Variants in CNNM4 observed in about 807,000 individuals in gnomAD.
The protein encoded by CNNM4 is cyclin and CBS domain divalent metal cation transport mediator 4.
A neutral mutation model predicts 53.7 loss-of-function variants in CNNM4; 32 were observed. That is an observed-to-expected ratio of 0.60 (90% CI 0.45 to 0.80). CNNM4 has a LOEUF of 0.80. Among genes scored for constraint, CNNM4 ranks in the 30% least tolerant of loss-of-function variants. The probability of loss-of-function intolerance (pLI) is 0.00; values close to 1 mark genes in which losing one functional copy is unlikely to be tolerated. For synonymous variants in CNNM4, 410 were observed against 440.0 expected, an observed-to-expected ratio of 0.93 and a Z score of 0.85; for missense variants, 784 against 1,022.0, an observed-to-expected ratio of 0.77 and a Z score of 3.17.
At chr2:96,782,507 C>A (rs2078983460) in intron 1 of CNNM4, among the ~76,000 whole-genome samples, 1 of 151,792 alleles carries the variant, frequency 6.6e-6, no homozygotes, top group South Asian at 2.1e-4. Context: ...GATACCATAT[C>A]ATTTTTTTTT....
chr2:96,808,467 G>A lies in CNNM4; in HGVS notation c.1949-94G>A. 1 of 1,268,348 alleles carries A rather than the reference G, an allele frequency of 7.9e-7. No homozygotes were observed. Among genetic ancestry groups the A allele is most frequent in the Admixed American group, 1.9e-5 (1 of 53,488 alleles). 78.6% of individuals were successfully genotyped at this position (1,268,348 alleles called of 1,614,324 possible). A position where few individuals can be genotyped will look rare whatever the true frequency, so the allele number is the denominator to read the frequency against. Reference sequence around the variant, plus strand: ...GAATGACTTCCTGTTCCTGGGTGGGGTGTCCCTGGGCTTCCATGGGATGAG... The same window carrying A: ...GAATGACTTCCTGTTCCTGGGTGGGATGTCCCTGGGCTTCCATGGGATGAG... On this transcript the variant is annotated intron_variant, in intron 5 of 6. Transcript: ENST00000377075. The surrounding 1 kb of genome is among the most constrained non-coding windows in gnomAD (Gnocchi z 4.9).
At chr2:96,805,957 G>C (rs938650521) in intron 5 of CNNM4, among the ~76,000 whole-genome samples, 18 of 151,776 alleles carry the variant, frequency 1.2e-4, no homozygotes, top group African/African-American at 4.1e-4. Flanking sequence ...TCAATGAGCT[G>C]TTGGGTACAC....
intron 1 of CNNM4, among the ~76,000 whole-genome samples, chr2:96,781,075 T>G (rs1325573991): frequency 7.2e-6 from 1 of 139,402 alleles, no homozygotes; most frequent in Non-Finnish European, 1.5e-5. Flanking sequence ...GCCTCCCGGG[T>G]TCACGCCATT....
rs2078761986 is a variant in CNNM4 at position 96,761,477 on chromosome 2, T to C, written c.478T>C (p.Trp160Arg). Residue 160 changes from tryptophan to arginine, a missense_variant, in exon 1 of 7, where the codon TGG becomes CGG. By Grantham distance (101) the Trp-to-Arg change is moderately radical. This residue lies in a region of CNNM4 where 473 missense variants were observed against 624.6 expected (regional missense o/e 0.76). Coordinates refer to ENST00000377075, the MANE Select transcript of CNNM4 (RefSeq NM_020184.4). The surrounding 1 kb of genome is among the most constrained non-coding windows in gnomAD (Gnocchi z 6.0). ...LCTRAQPDGP[W>R]LKWTDKDSLL... is the part of the protein sequence containing the mutation. The stretch of plus-strand genomic sequence containing the variant: ...CACCCGGGCCCAGCCCGACGGGCCC[T>C]GGCTGAAGTGGACGGACAAGGACTC... 1.9e-6 allele frequency: 3 copies of C among 1,614,120 alleles called. No individual in the cohort carries two copies. Among genetic ancestry groups the C allele is most frequent in the Non-Finnish European group, 2.5e-6 (3 of 1,180,008 alleles).
chr2:96,795,279 G>A (rs1286647917), intron 1 of CNNM4, among the ~76,000 whole-genome samples: 3 of 152,226 alleles, frequency 2.0e-5, no homozygotes, highest in South Asian at 2.1e-4. Context: ...CCAGGGTCCC[G>A]GCCTGGCCCG....
At position 96,811,047 on chromosome 2, in the gene CNNM4, T is replaced by G. The variant is rs146209406; in HGVS notation, c.*1530T>G. On this transcript the variant is annotated 3_prime_UTR_variant, in exon 7 of 7. Coordinates refer to ENST00000377075, the MANE Select transcript of CNNM4 (RefSeq NM_020184.4). The stretch of plus-strand genomic sequence containing the variant: ...TGCAGGCCTTCCGCCTGATTATTAT[T>G]TATTCACTCCTTTCCTCACCCCAAG... 6.6e-6 allele frequency: 1 copy of G among 152,326 alleles called. No individual in the cohort carries two copies. The highest frequency in any genetic ancestry group is 1.5e-5 in the Non-Finnish European group (1 of 68,046). The allele number at this position is 152,326 out of a possible 1,614,324, so 9.4% of individuals were successfully genotyped here. A position where few individuals can be genotyped will look rare whatever the true frequency, so the allele number is the denominator to read the frequency against.
intron 1 of CNNM4, among the ~76,000 whole-genome samples, chr2:96,763,112 C>A (rs1239470295): frequency 1.3e-5 from 2 of 152,110 alleles, no homozygotes; most frequent in Non-Finnish European, 2.9e-5. Context: ...TGCCAAGTAG[C>A]GCTTTCGACT....
chr2:96,788,553 C>G, intron 1 of CNNM4: 1 of 152,280 alleles, frequency 6.6e-6, no homozygotes, highest in East Asian at 1.9e-4. Context: ...TGCCACTCAT[C>G]CCGGTGGTTG....
Position 96,799,134 on chromosome 2 carries a change from G to A in CNNM4, c.1759G>A (p.Glu587Lys), listed in dbSNP as rs752082912. Residue 587 changes from glutamate (E) to lysine (K), a missense_variant, in exon 4 of 7, where the codon GAA (glutamate) becomes AAA (lysine). By Grantham distance (56) the Glu-to-Lys change is moderately conservative. Around this residue, in one of 3 missense-constraint regions of CNNM4, gnomAD observed 307 missense variants for 376.3 expected, o/e 0.82. Transcript: ENST00000377075. ...ACTCAAGTACCCAGATGTCATTCAG[G>A]AACTCAAGTTTGACGAGCACAATAA... is the stretch of plus-strand genomic sequence containing the variant. ...RLLKYPDVIQELKFDEHNKYY... is the reference protein window; with the variant it reads ...RLLKYPDVIQKLKFDEHNKYY... The A allele has an allele frequency of 1.9e-6, 3 of 1,613,276 alleles. No homozygotes were observed. Among genetic ancestry groups the A allele is most frequent in the Middle Eastern group, 1.8e-4 (1 of 5,576 alleles).
rs897657270 is a variant in CNNM4, at chr2:96,801,790, C to T, written c.1948+2142C>T. ...ACACAGACAGAGATACTACAGACAC[C>T]CATAGACAGAGATATCACACACAGA... On this transcript the variant is annotated intron_variant, in intron 5 of 6. Coordinates refer to ENST00000377075, the MANE Select transcript of CNNM4 (RefSeq NM_020184.4). This position sits in a 1 kb window ranked among gnomAD's most constrained non-coding sequence, Gnocchi z 5.6. 6.6e-6 allele frequency among the ~76,000 whole-genome samples: 1 copy of T among 151,408 alleles called. No individual in the cohort carries two copies. The highest frequency in any genetic ancestry group is 2.4e-5 in the African/African-American group (1 of 41,104).
Position 96,781,196 on chromosome 2 carries a change from G to A in CNNM4, c.1403-15816G>A, listed in dbSNP as rs182301707. ...GGGTTTCACTGTGTTAGCCAAGATG[G>A]TCTCGCTCTCCTGACCTCGTGATCC... On this transcript the variant is annotated intron_variant, in intron 1 of 6. Transcript: ENST00000377075. Among the ~76,000 whole-genome samples the A allele has an allele frequency of 2.0e-5, 3 of 151,816 alleles. No individual in the cohort carries two copies. The East Asian group carries it at 5.8e-4, about 30-fold the overall frequency.
chr2:96,770,617 T>G (rs2078860525), intron 1 of CNNM4, among the ~76,000 whole-genome samples: 1 of 152,218 alleles, frequency 6.6e-6, no homozygotes, highest in South Asian at 2.1e-4. Context: ...CCTCCTTTTC[T>G]AGACGGACTT....
In CNNM4 at chr2:96,809,855, AAAT is replaced by A; in HGVS notation, c.*340_*342del. 4.9e-6 allele frequency: 1 copy of A among 202,534 alleles called. No individual in the cohort carries two copies. Among genetic ancestry groups the A allele is most frequent in the Non-Finnish European group, 1.0e-5 (1 of 99,730 alleles). The allele number at this position is 202,534 out of a possible 1,614,324, so 12.5% of individuals were successfully genotyped here. ...GGTTAAGGAACTTTATTTAAAAAAAAAATATTTTTTTCCTAAAAACTATAAAAG... is the reference window on the plus strand; with the variant it reads ...GGTTAAGGAACTTTATTTAAAAAAAAATTTTTTTCCTAAAAACTATAAAAG... On this transcript the variant is annotated 3_prime_UTR_variant, in exon 7 of 7. Coordinates refer to ENST00000377075, the MANE Select transcript of CNNM4 (RefSeq NM_020184.4).
Position 96,783,889 on chromosome 2 carries a change from G to T in CNNM4, c.1403-13123G>T, listed in dbSNP as rs369171642. 1.6e-4 allele frequency among the ~76,000 whole-genome samples: 25 copies of T among 152,216 alleles called. 2 individuals carry two copies. Among genetic ancestry groups the T allele is most frequent in the Admixed American group, 6.5e-4 (10 of 15,272 alleles). On this transcript the variant is annotated intron_variant, in intron 1 of 6. Transcript: ENST00000377075. ...CATGGGAAAATACAAAGAATGTAAAGAATTTAAAAAGCAGCGTACAAAACA... is the reference window on the plus strand; with the variant it reads ...CATGGGAAAATACAAAGAATGTAAATAATTTAAAAAGCAGCGTACAAAACA...
chr2:96,764,014 C>T (rs892754309), intron 1 of CNNM4, among the ~76,000 whole-genome samples: 2 of 151,562 alleles, frequency 1.3e-5, no homozygotes, highest in Admixed American at 6.6e-5. Flanking sequence ...CTGAAGACTT[C>T]TCCTATTGCT....
chr2:96,806,071 A>C (rs1268325283), intron 5 of CNNM4, among the ~76,000 whole-genome samples: 1 of 139,662 alleles, frequency 7.2e-6, no homozygotes, highest in Admixed American at 6.8e-5. Context: ...CTGGCCGGGC[A>C]GGGGGGCTGA....
chr2:96,784,199 C>T (rs1459028842), intron 1 of CNNM4, among the ~76,000 whole-genome samples: 2 of 151,970 alleles, frequency 1.3e-5, no homozygotes, highest in South Asian at 2.1e-4. Flanking sequence ...CCCAGCAGGT[C>T]GAGGCTGCAG....
chr2:96,802,620 G>A (rs1281444238), intron 5 of CNNM4, among the ~76,000 whole-genome samples: 4 of 152,242 alleles, frequency 2.6e-5, no homozygotes, highest in African/African-American at 9.6e-5. Context: ...AACAATGCGT[G>A]TACCCCCTTC....
chr2:96,763,617 GGT>G (rs1012388548), intron 1 of CNNM4, among the ~76,000 whole-genome samples: 2 of 152,304 alleles, frequency 1.3e-5, no homozygotes, highest in Non-Finnish European at 2.9e-5. Context: ...TGAGCTGGCA[GGT>G]GTTTCTGTAA....
Sources: allele counts gnomAD v4.1 joint callset (sites outside exome capture counted in the v4.1 genomes callset), GRCh38; gene constraint gnomAD v4.1.1; regional missense constraint gnomAD v4.1.1; non-coding constraint Gnocchi (gnomAD v3.1); transcripts MANE v1.5; gene names NCBI Gene and HGNC (gene_info 2026-07-23, HGNC 2026-07-21).